The following ZNF81 variants were observed in gnomAD, a reference collection of about 807,000 sequenced individuals.
ZNF81 encodes zinc finger protein 81 (HFZ20).
Under a neutral mutation model 32.3 loss-of-function variants are expected in ZNF81, and 5 were observed. The ratio of observed to expected loss-of-function variants is 0.15; its 90% CI spans 0.08 to 0.33. The LOEUF (loss-of-function observed/expected upper bound fraction) is 0.33, where lower values mean the gene tolerates loss of function less well. Among genes scored for constraint, ZNF81 ranks in the 10% least tolerant of loss-of-function variants. The probability of loss-of-function intolerance (pLI) is 1.00; values close to 1 mark genes in which losing one functional copy is unlikely to be tolerated. For synonymous variants in ZNF81, 163 were observed against 166.8 expected (o/e 0.98, Z 0.17); for missense variants, 379 against 479.8 (o/e 0.79, Z 1.96).
chrX:47,864,575 C>T (rs1313380398), intron 2 of ZNF81, among the ~76,000 whole-genome samples: 1 of 112,036 alleles, frequency 8.9e-6, no homozygotes, highest in African/African-American at 3.2e-5. Context: ...AGAAGTTTGG[C>T]ATGCAGTGGT....
chrX:47,842,027 C>T (rs2058451752), intron 1 of ZNF81, among the ~76,000 whole-genome samples: 1 of 111,703 alleles, frequency 9.0e-6, no homozygotes, highest in Non-Finnish European at 1.9e-5. Context: ...TTTTCGTTTT[C>T]ATTCATCACA....
At chrX:47,848,037 C>A (rs1395513501) in intron 2 of ZNF81, among the ~76,000 whole-genome samples, 1 of 110,306 alleles carries the variant, frequency 9.1e-6, no homozygotes, top group African/African-American at 3.3e-5. Context: ...GCCTCAGCCT[C>A]CCGACTAGCT....
At chrX:47,839,442 G>A (rs1365420195) in intron 1 of ZNF81, among the ~76,000 whole-genome samples, 3 of 111,545 alleles carry the variant, frequency 2.7e-5, no homozygotes, top group African/African-American at 6.5e-5. Context: ...TTTCACACCT[G>A]ATTTTGTGAC....
rs782185378 is a variant in ZNF81, at chrX:47,916,932, G to A, written c.*300G>A. The A allele has an allele frequency of 1.3e-3, 357 of 275,210 alleles. 1 individual carries two copies. Among genetic ancestry groups the A allele is most frequent in the Non-Finnish European group, 1.9e-3 (302 of 157,173 alleles). 22.7% of individuals were successfully genotyped at this position (275,210 alleles called of 1,213,427 possible). On this transcript the variant is annotated 3_prime_UTR_variant, in exon 5 of 5. Coordinates refer to ENST00000338637, the MANE Select transcript of ZNF81 (RefSeq NM_007137.5). ...TATAGAAAGTATTATAAGTTAAATTGTTACCAAATTCTTTATAGGAAGGAG... is the reference window on the plus strand; with the variant it reads ...TATAGAAAGTATTATAAGTTAAATTATTACCAAATTCTTTATAGGAAGGAG...
In ZNF81 at chrX:47,888,324, A is replaced by C. The variant is rs1243021927; in HGVS notation, c.181+199A>C. ...ATCTAATATAATTGGTGTCCTTATA[A>C]AAAGGAGAAAACTGGACACAGACAC... is the stretch of plus-strand genomic sequence containing the variant. On this transcript the variant is annotated intron_variant, in intron 3 of 4. Coordinates refer to ENST00000338637, the MANE Select transcript of ZNF81 (RefSeq NM_007137.5). 9.5e-6 allele frequency: 5 copies of C among 523,903 alleles called. No homozygotes were observed. The Admixed American group carries it at 1.9e-4, about 20-fold the overall frequency. The allele number at this position is 523,903 out of a possible 1,213,427, so 43.2% of individuals were successfully genotyped here. A position where few individuals can be genotyped will look rare whatever the true frequency, so the allele number is the denominator to read the frequency against.
chrX:47,884,082 C>T (rs1020130295), intron 2 of ZNF81, among the ~76,000 whole-genome samples: 5 of 108,492 alleles, frequency 4.6e-5, no homozygotes, highest in African/African-American at 1.7e-4. Context: ...CCTGTCTCTA[C>T]TAAAAATACA....
intron 4 of ZNF81, among the ~76,000 whole-genome samples, chrX:47,902,764 G>C (rs1168299517): frequency 8.9e-6 from 1 of 112,005 alleles, no homozygotes; most frequent in Non-Finnish European, 1.9e-5. Flanking sequence ...CGACACATCA[G>C]AACTTGTGGG....
At chrX:47,862,415 C>T (rs782135158) in intron 2 of ZNF81, among the ~76,000 whole-genome samples, 18 of 108,090 alleles carry the variant, frequency 1.7e-4, no homozygotes, top group South Asian at 8.1e-4. Context: ...CCCAGCTACC[C>T]GGAAGGCTGA....
chrX:47,860,402 C>T (rs2058535210), intron 2 of ZNF81, among the ~76,000 whole-genome samples: 1 of 108,669 alleles, frequency 9.2e-6, no homozygotes, highest in Non-Finnish European at 1.9e-5. Context: ...AGGATGGTCT[C>T]AATCTCCTGA....
chrX:47,857,490 A>C (rs2058522068), intron 2 of ZNF81, among the ~76,000 whole-genome samples: 1 of 112,377 alleles, frequency 8.9e-6, no homozygotes, highest in African/African-American at 3.2e-5. Flanking sequence ...CAGTAAAGCT[A>C]AACTTACAGG....
intron 2 of ZNF81, among the ~76,000 whole-genome samples, chrX:47,875,749 G>A (rs2058597409): frequency 8.9e-6 from 1 of 112,157 alleles, no homozygotes; most frequent in African/African-American, 3.2e-5. Context: ...ATGTAGGGAA[G>A]AAAGAAAACA....
intron 2 of ZNF81, among the ~76,000 whole-genome samples, chrX:47,857,170 T>C (rs901866425): frequency 9.2e-4 from 103 of 111,773 alleles, no homozygotes; most frequent in African/African-American, 3.2e-3. Context: ...GCTAATGATA[T>C]ATCCTTAAAC....
intron 1 of ZNF81, among the ~76,000 whole-genome samples, chrX:47,844,832 C>T (rs1319952093): frequency 3.6e-5 from 4 of 112,387 alleles, no homozygotes; most frequent in Non-Finnish European, 7.5e-5. Context: ...TCACAGCTCA[C>T]CAACACTTGT....
chrX:47,882,731 C>T, intron 2 of ZNF81, among the ~76,000 whole-genome samples: 1 of 113,046 alleles, frequency 8.8e-6, no homozygotes, highest in East Asian at 2.8e-4. Flanking sequence ...TGGCTCAGGC[C>T]TGTAATCCCA....
rs1191490323 is a variant in ZNF81, at chrX:47,920,638, G to T, written c.*4006G>T. The T allele has an allele frequency of 3.6e-5, 4 of 110,469 alleles. No individual in the cohort carries two copies. The East Asian group carries it at 8.6e-4, about 24-fold the overall frequency. The allele number at this position is 110,469 out of a possible 1,213,427, so 9.1% of individuals were successfully genotyped here. ...AAGGATTTTGTTCTGTAGGGGAGTA[G>T]GGTTTCATTGGAGCTTTGTGCCATT... is the stretch of plus-strand genomic sequence containing the variant. On this transcript the variant is annotated 3_prime_UTR_variant, in exon 5 of 5. Transcript: ENST00000338637.
intron 4 of ZNF81, among the ~76,000 whole-genome samples, chrX:47,904,137 G>C (rs1218948572): frequency 1.8e-5 from 2 of 111,962 alleles, no homozygotes; most frequent in Non-Finnish European, 3.8e-5. Flanking sequence ...ATACCATTCA[G>C]GACATAGGCA....
chrX:47,854,435 A>G (rs2058507763), intron 2 of ZNF81, among the ~76,000 whole-genome samples: 1 of 112,194 alleles, frequency 8.9e-6, no homozygotes, highest in African/African-American at 3.2e-5. Context: ...TTGCATTCAC[A>G]ACTTGTCTGA....
In ZNF81 at chrX:47,843,497, G is replaced by GT. The variant is rs782780242; in HGVS notation, c.-163-2600dup. On this transcript the variant is annotated intron_variant, in intron 1 of 4. Transcript: ENST00000338637. Reference sequence around the variant, plus strand: ...ACTCCTTTATCTGATTTGCTAGAGAGTTTTTTTTATGACATTGGTCATTTC... The same window carrying GT: ...ACTCCTTTATCTGATTTGCTAGAGAGTTTTTTTTTATGACATTGGTCATTTC... 3.0e-4 allele frequency among the ~76,000 whole-genome samples: 31 copies of GT among 105,061 alleles called. No individual in the cohort carries two copies. In the East Asian group the frequency reaches 7.8e-3, roughly 27 times the overall value. The allele number at this position is 105,061 out of a possible 115,157, so 91.2% of individuals were successfully genotyped here.
chrX:47,891,090 T>C (rs1221553591), intron 3 of ZNF81, among the ~76,000 whole-genome samples: 2 of 112,299 alleles, frequency 1.8e-5, no homozygotes, highest in African/African-American at 6.5e-5. Context: ...AATAATGACA[T>C]AGGTCTGGAG....
Sources: allele counts gnomAD v4.1 joint callset (sites outside exome capture counted in the v4.1 genomes callset), GRCh38; gene constraint gnomAD v4.1.1; transcripts MANE v1.5; gene names NCBI Gene and HGNC (gene_info 2026-07-23, HGNC 2026-07-21).